The following GBE1 variants were observed in gnomAD, a reference collection of about 807,000 sequenced individuals.
GBE1 encodes 1,4-alpha-glucan-branching enzyme.
In GBE1, 70 loss-of-function variants were observed where a neutral mutation model predicts 88.8. The ratio of observed to expected loss-of-function variants is 0.79; its 90% CI spans 0.65 to 0.96. The LOEUF (loss-of-function observed/expected upper bound fraction) is 0.96, where lower values mean the gene tolerates loss of function less well. Ranked by LOEUF, GBE1 falls within the 40% of genes least tolerant of loss-of-function variation. The probability of loss-of-function intolerance (pLI) is 0.00; values close to 1 mark genes in which losing one functional copy is unlikely to be tolerated. For synonymous variants in GBE1, 284 were observed against 300.1 expected (o/e 0.95, Z 0.56); for missense variants, 872 against 871.0 (o/e 1.00, Z -0.01).
chr3:81,750,600 T>TATATATAC (rs1491327301), intron 1 of GBE1, among the ~76,000 whole-genome samples: 1 of 35,284 alleles, frequency 2.8e-5, no homozygotes, highest in African/African-American at 1.4e-4. Context: ...TATATATATA[T>TATATATAC]GTGTATATAT....
intron 7 of GBE1, among the ~76,000 whole-genome samples, chr3:81,598,771 G>C (rs1248649327): frequency 6.6e-6 from 1 of 151,524 alleles, no homozygotes; most frequent in African/African-American, 2.4e-5. Context: ...ATAATGAGTA[G>C]CACAAAACTA....
intron 2 of GBE1, among the ~76,000 whole-genome samples, chr3:81,684,951 T>G (rs1390579171): frequency 6.6e-6 from 1 of 152,176 alleles, no homozygotes; most frequent in Non-Finnish European, 1.5e-5. Context: ...TCTCTCGATA[T>G]TCAACCTTAA....
intron 15 of GBE1, among the ~76,000 whole-genome samples, chr3:81,492,674 C>G (rs1367367756): frequency 7.1e-6 from 1 of 140,652 alleles, no homozygotes; most frequent in Non-Finnish European, 1.5e-5. Flanking sequence ...TTCCCCTTCT[C>G]CCATTCTCCC....
intron 1 of GBE1, among the ~76,000 whole-genome samples, chr3:81,738,381 T>C (rs1706300351): frequency 6.6e-6 from 1 of 151,650 alleles, no homozygotes; most frequent in Admixed American, 6.6e-5. Flanking sequence ...AGTGTAAAAG[T>C]GTTCCTATTT....
chr3:81,581,006 T>C (rs910342158), intron 11 of GBE1, among the ~76,000 whole-genome samples, 159 bp downstream of exon 11: 1 of 151,980 alleles, frequency 6.6e-6, no homozygotes, highest in African/African-American at 2.4e-5. Flanking sequence ...GTAGTTTTCC[T>C]GTAAAGATAT....
chr3:81,737,327 ATATT>A (rs1706272695), intron 1 of GBE1, among the ~76,000 whole-genome samples: 1 of 92,162 alleles, frequency 1.1e-5, no homozygotes, highest in African/African-American at 4.4e-5. Flanking sequence ...ATATTTATAT[ATATT>A]TTTATATATA....
chr3:81,546,347 C>T (rs1472733392), intron 12 of GBE1, among the ~76,000 whole-genome samples: 1 of 152,064 alleles, frequency 6.6e-6, no homozygotes, highest in Non-Finnish European at 1.5e-5. Flanking sequence ...AAAACAAACA[C>T]CTAACTCCCA....
intron 12 of GBE1, among the ~76,000 whole-genome samples, chr3:81,571,860 T>TA (rs1447429010): frequency 6.6e-6 from 1 of 152,102 alleles, no homozygotes; most frequent in Non-Finnish European, 1.5e-5. Context: ...AAGCTATTGA[T>TA]AAAAAAGATT....
rs548570176 is a variant in GBE1 at position 81,599,246 on chromosome 3, G to A, written c.993-5223C>T. On this transcript the variant is annotated intron_variant, in intron 7 of 15. Transcript: ENST00000429644. Reference sequence around the variant, plus strand: ...TTCTTAAAAATTGGTTATCTGCCACGTAAGATTCACAAAAGGCAAACCTGA... The same window carrying A: ...TTCTTAAAAATTGGTTATCTGCCACATAAGATTCACAAAAGGCAAACCTGA... Among the ~76,000 whole-genome samples the A allele has an allele frequency of 3.9e-5, 6 of 152,104 alleles. No individual in the cohort carries two copies. In the South Asian group the frequency reaches 8.3e-4, roughly 21 times the overall value.
At chr3:81,498,458 G>A (rs1702544283) in intron 15 of GBE1, among the ~76,000 whole-genome samples, 1 of 152,090 alleles carries the variant, frequency 6.6e-6, no homozygotes, top group Admixed American at 6.6e-5. Flanking sequence ...GAATTCCTCT[G>A]AATCTAGAAA....
chr3:81,491,223 C>T (rs1350214946), intron 15 of GBE1, among the ~76,000 whole-genome samples: 1 of 152,138 alleles, frequency 6.6e-6, no homozygotes, highest in Non-Finnish European at 1.5e-5. Flanking sequence ...AGAGGCTTTC[C>T]TTGACAACCC....
intron 2 of GBE1, among the ~76,000 whole-genome samples, chr3:81,697,796 A>T (rs1037422108): frequency 1.3e-5 from 2 of 152,012 alleles, no homozygotes; most frequent in Admixed American, 1.3e-4. Context: ...CCTGCTTTGG[A>T]GCAGGTGGAA....
At chr3:81,655,115 C>G (rs1704914393) in intron 3 of GBE1, 1 of 152,110 alleles carries the variant, frequency 6.6e-6, no homozygotes, top group African/African-American at 2.4e-5. Context: ...TACCAGTGTA[C>G]AATGCTGAAT....
In GBE1 at chr3:81,761,507, G is replaced by A. The variant is rs1283434351; in HGVS notation, c.11C>T (p.Pro4Leu). 2 of 1,604,720 alleles carry A rather than the reference G, an allele frequency of 1.2e-6. No individual in the cohort carries two copies. The highest frequency in any genetic ancestry group is 1.3e-5 in the African/African-American group (1 of 74,774). ...CTCGGGCCGAGCCGCGGGAGTCATC[G>A]GAGCCGCCATATTCCGCCGCAGTCC... MAA[P>L]MTPAARPEDY... Residue 4 changes from proline to leucine, a missense_variant, in exon 1 of 16, where the codon CCG (proline) becomes CTG (leucine). Coordinates refer to ENST00000429644, the MANE Select transcript of GBE1 (RefSeq NM_000158.4).
At chr3:81,706,061 C>A (rs1055355771) in intron 1 of GBE1, among the ~76,000 whole-genome samples, 1 of 152,024 alleles carries the variant, frequency 6.6e-6, no homozygotes, top group African/African-American at 2.4e-5. Context: ...AAGGGGCAGA[C>A]GGCAAATATT....
At chr3:81,640,151 C>G (rs561030999) in intron 7 of GBE1, among the ~76,000 whole-genome samples, 2 of 152,182 alleles carry the variant, frequency 1.3e-5, no homozygotes, top group South Asian at 4.1e-4. Context: ...ATGGTTTATA[C>G]TGACTGTCAA....
intron 1 of GBE1, among the ~76,000 whole-genome samples, chr3:81,742,454 T>C (rs1706362329): frequency 6.6e-6 from 1 of 152,074 alleles, no homozygotes; most frequent in South Asian, 2.1e-4. Flanking sequence ...ATATGAAAAC[T>C]GGGCATGCAT....
chr3:81,678,694 G>C (rs1440828910), intron 2 of GBE1, among the ~76,000 whole-genome samples: 1 of 152,040 alleles, frequency 6.6e-6, no homozygotes, highest in Non-Finnish European at 1.5e-5. Flanking sequence ...CAGATTAGTA[G>C]TCTTCCAGGA....
intron 1 of GBE1, among the ~76,000 whole-genome samples, chr3:81,754,450 T>C (rs1575779441): frequency 1.1e-5 from 1 of 91,326 alleles, no homozygotes; most frequent in Admixed American, 1.1e-4. Context: ...CACAGAAATA[T>C]AAAAATAAAT....
Sources: allele counts gnomAD v4.1 joint callset (sites outside exome capture counted in the v4.1 genomes callset), GRCh38; gene constraint gnomAD v4.1.1; transcripts MANE v1.5; gene names NCBI Gene and HGNC (gene_info 2026-07-23, HGNC 2026-07-21).